Variants in LAD1 observed in about 807,000 individuals in gnomAD.
LAD1 encodes the protein ladinin 1.
LAD1 carries 53 observed loss-of-function variants against 54.2 expected under a neutral mutation model. The ratio of observed to expected loss-of-function variants is 0.98; its 90% CI spans 0.78 to 1.23. LAD1 has a LOEUF of 1.23. LAD1 is among the 50% of genes most tolerant of loss of function. The pLI is 0.00. For synonymous variants in LAD1, 231 were observed against 257.7 expected (o/e 0.90, Z 0.99); for missense variants, 637 against 653.3 (o/e 0.98, Z 0.27).
At position 201,386,709 on chromosome 1, in the gene LAD1, T is replaced by A; in HGVS notation, c.652A>T (p.Ile218Leu). The change falls in exon 3 of 10, where the codon ATA becomes TTA. Residue 218 changes from isoleucine (I) to leucine (L), a missense_variant. Physicochemically the swap from Ile to Leu is conservative, Grantham distance 5. Coordinates refer to ENST00000391967, the MANE Select transcript of LAD1 (RefSeq NM_005558.4). ...CTGTTTCTTTTCTCTGACACTGCTA[T>A]CTTCTCTGATAGAGATGTCTTCTCT... Reference protein sequence around the residue: ...ASEKTSLSEKIAVSEKRNSSE... With the variant: ...ASEKTSLSEKLAVSEKRNSSE... 6.2e-7 allele frequency: 1 copy of A among 1,614,234 alleles called. No individual in the cohort carries two copies. Among genetic ancestry groups the A allele is most frequent in the South Asian group, 1.1e-5 (1 of 91,088 alleles).
chr1:201,383,496 A>C lies in LAD1; in HGVS notation c.1176-107T>G, dbSNP rs186612889. On this transcript the variant is annotated intron_variant, in intron 5 of 9. Transcript: ENST00000391967. ...CCCATCACACGTTCTCATTGTGGCC[A>C]AGAGAATGTGGCCCTCCATCACACA... The C allele has an allele frequency of 4.7e-3, 5,027 of 1,060,686 alleles. 39 individuals carry two copies. The highest frequency in any genetic ancestry group is 4.3e-3 in the Non-Finnish European group (2,903 of 677,274). The allele number at this position is 1,060,686 out of a possible 1,614,324, so 65.7% of individuals were successfully genotyped here. A position where few individuals can be genotyped will look rare whatever the true frequency, so the allele number is the denominator to read the frequency against.
intron 1 of LAD1, among the ~76,000 whole-genome samples, chr1:201,393,312 T>C (rs1473186136): frequency 6.6e-6 from 1 of 151,964 alleles, no homozygotes; most frequent in Non-Finnish European, 1.5e-5. Context: ...CAAGACAGAA[T>C]TGTGAGCACA....
rs11805972 is a variant in LAD1 at position 201,386,525 on chromosome 1, G to T, written c.836C>A (p.Pro279Gln). ...SEKSPTADAK[P>Q]APKRATASEQ... ...TGAGGCTGTGGCCCTCTTTGGGGCC[G>T]GCTTAGCATCTGCAGTTGGGCTCTT... Residue 279 changes from proline to glutamine, a missense_variant, in exon 3 of 10, where the codon CCG (proline) becomes CAG (glutamine). Transcript: ENST00000391967. 0.036 allele frequency: 57,306 copies of T among 1,603,970 alleles called. 2,501 individuals are homozygous for T. The highest frequency in any genetic ancestry group is 0.22 in the African/African-American group (16,296 of 74,262).
rs1421600164 is a variant in LAD1, at chr1:201,382,711, G to A, written c.1415C>T (p.Thr472Ile). 3.1e-6 allele frequency: 5 copies of A among 1,607,732 alleles called. No homozygotes were observed. Among genetic ancestry groups the A allele is most frequent in the Middle Eastern group, 1.7e-4 (1 of 5,788 alleles). Residue 472 changes from threonine (T) to isoleucine (I), a missense_variant, in exon 8 of 10, where the codon ACA becomes ATA. By Grantham distance (89) the Thr-to-Ile change is moderately conservative (BLOSUM62 -1). Transcript: ENST00000391967. ...KENLRLSGVV[T>I]SRLNLWISRT... The stretch of plus-strand genomic sequence containing the variant: ...GCTGATCCACAGGTTGAGCCTTGAT[G>A]TCACAACCCCTGAGAGCCTCAAGTT...
intron 1 of LAD1, 82 bp from the exon 2 acceptor site, chr1:201,389,385 G>A (rs1321851485): frequency 6.6e-7 from 1 of 1,503,872 alleles, no homozygotes; most frequent in Non-Finnish European, 8.9e-7. Flanking sequence ...GCTGGGAGAA[G>A]AGACCAAATG....
chr1:201,398,460 G>T lies in LAD1; in HGVS notation c.38+809C>A, dbSNP rs140081504. ...ACAAGATGGGGGACGGGGGCGCCCAGTGGAGGAATGAGGTGAAAATGCTCA... is the reference window on the plus strand; with the variant it reads ...ACAAGATGGGGGACGGGGGCGCCCATTGGAGGAATGAGGTGAAAATGCTCA... On this transcript the variant is annotated intron_variant, in intron 1 of 9. Coordinates refer to ENST00000391967, the MANE Select transcript of LAD1 (RefSeq NM_005558.4). Among the ~76,000 whole-genome samples, 359 of 152,306 alleles carry T rather than the reference G, an allele frequency of 2.4e-3. 2 individuals are homozygous for T. Among genetic ancestry groups the T allele is most frequent in the Non-Finnish European group, 4.6e-3 (311 of 68,018 alleles).
chr1:201,391,135 C>T (rs1457838405), intron 1 of LAD1: 1 of 456,558 alleles, frequency 2.2e-6, no homozygotes, highest in African/African-American at 2.0e-5. Flanking sequence ...CTTGGAGCCT[C>T]CCTCACCTTT....
chr1:201,385,689 C>T lies in LAD1; in HGVS notation c.1131+12G>A. ...CCAGTGGCTCGCAGACCAGGGTGCC[C>T]AGGGCTCTCACCCGAAAGGAGATGG... is the stretch of plus-strand genomic sequence containing the variant. On this transcript the variant is annotated intron_variant, in intron 4 of 9. Coordinates refer to ENST00000391967, the MANE Select transcript of LAD1 (RefSeq NM_005558.4). 6.2e-7 allele frequency: 1 copy of T among 1,603,572 alleles called. No homozygotes were observed. Among genetic ancestry groups the T allele is most frequent in the Non-Finnish European group, 8.5e-7 (1 of 1,170,402 alleles).
Position 201,382,241 on chromosome 1 carries a change from C to T in LAD1, c.1548+11G>A, listed in dbSNP as rs1165838280. 1.2e-6 allele frequency: 2 copies of T among 1,610,516 alleles called. No homozygotes were observed. The highest frequency in any genetic ancestry group is 1.3e-5 in the African/African-American group (1 of 74,988). ...CTCCGCCGTAGGGCCAGGCTCCTCC[C>T]CACCATTCACCTCAGCGTCCAGCGA... On this transcript the variant is annotated intron_variant, in intron 9 of 9. Transcript: ENST00000391967.
chr1:201,391,844 T>TA (rs926111265), intron 1 of LAD1, among the ~76,000 whole-genome samples: 4 of 151,852 alleles, frequency 2.6e-5, no homozygotes, highest in Non-Finnish European at 5.9e-5. Context: ...AGCAGGGGAG[T>TA]ACCAGGCTGT....
Position 201,392,790 on chromosome 1 carries a change from GA to G in LAD1, c.39-3488del, listed in dbSNP as rs11439879. 1.4e-3 allele frequency among the ~76,000 whole-genome samples: 213 copies of G among 147,118 alleles called. 1 individual carries two copies. The highest frequency in any genetic ancestry group is 4.3e-3 in the African/African-American group (173 of 40,192). ...TTTTTAATCTCTCTGGCTGCTGTAT[GA>G]AAAAAAAAAACATTGAAAGGGCCAG... On this transcript the variant is annotated intron_variant, in intron 1 of 9. Transcript: ENST00000391967.
intron 3 of LAD1, 50 bp from the exon 4 acceptor site, chr1:201,385,855 C>T: frequency 7.3e-7 from 1 of 1,377,540 alleles, no homozygotes; most frequent in Non-Finnish European, 1.0e-6. Context: ...GCCCATCAAG[C>T]CGGGGCAGCC....
chr1:201,388,053 T>G (rs1453924000), intron 2 of LAD1, among the ~76,000 whole-genome samples: 1 of 152,050 alleles, frequency 6.6e-6, no homozygotes, highest in African/African-American at 2.4e-5. Context: ...CACCTCATAA[T>G]CCCAAAATCT....
chr1:201,390,764 G>A (rs1231366551), intron 1 of LAD1, among the ~76,000 whole-genome samples: 1 of 152,116 alleles, frequency 6.6e-6, no homozygotes, highest in Non-Finnish European at 1.5e-5. Context: ...CAACCAAAAT[G>A]TTTCCTGACA....
rs761120206 is a variant in LAD1, at chr1:201,386,723, G to T, written c.638C>A (p.Ser213Tyr). ...TGACACTGCTATCTTCTCTGATAGA[G>T]ATGTCTTCTCTGAGGCCAGCACCTT... is the stretch of plus-strand genomic sequence containing the variant. ...SEKVLASEKT[S>Y]LSEKIAVSEK... Residue 213 changes from serine (S) to tyrosine (Y), a missense_variant, in exon 3 of 10, where the codon TCT (serine) becomes TAT (tyrosine). By Grantham distance (144) the Ser-to-Tyr change is moderately radical. Coordinates refer to ENST00000391967, the MANE Select transcript of LAD1 (RefSeq NM_005558.4). The T allele has an allele frequency of 1.2e-5, 19 of 1,614,208 alleles. No homozygotes were observed. The highest frequency in any genetic ancestry group is 1.6e-5 in the Non-Finnish European group (19 of 1,180,028).
chr1:201,382,418 C>A, intron 8 of LAD1, 92 bp from the exon 9 acceptor site: 1 of 1,048,800 alleles, frequency 9.5e-7, no homozygotes, highest in South Asian at 1.3e-5. Context: ...CCCAGGATGT[C>A]CTTTCTCTTC....
intron 4 of LAD1, among the ~76,000 whole-genome samples, chr1:201,385,476 T>G (rs1662055063): frequency 6.6e-6 from 1 of 152,204 alleles, no homozygotes; most frequent in Non-Finnish European, 1.5e-5. Flanking sequence ...CCTTGCCCAC[T>G]AGGTGGGGCT....
In LAD1 at chr1:201,385,756, T is replaced by C. The variant is rs1193983675; in HGVS notation, c.1076A>G (p.Gln359Arg). The change falls in exon 4 of 10, where the codon CAG becomes CGG. Residue 359 changes from glutamine to arginine, a missense_variant. Transcript: ENST00000391967. ...EEEADMSSPT[Q>R]RTYSSSLKRS... Reference sequence around the variant, plus strand: ...TTTGAGGGAGCTGCTGTAGGTTCGCTGTGTGGGTGAGGACATATCTGCCTC... The same window carrying C: ...TTTGAGGGAGCTGCTGTAGGTTCGCCGTGTGGGTGAGGACATATCTGCCTC... 3.7e-6 allele frequency: 6 copies of C among 1,614,022 alleles called. No homozygotes were observed. Among genetic ancestry groups the C allele is most frequent in the Non-Finnish European group, 5.1e-6 (6 of 1,180,014 alleles).
intron 1 of LAD1, among the ~76,000 whole-genome samples, chr1:201,393,055 G>C (rs1263914111): frequency 2.0e-5 from 3 of 152,172 alleles, no homozygotes; most frequent in Non-Finnish European, 4.4e-5. Flanking sequence ...GCTATTTCTG[G>C]AGGGCCATTA....
Sources: gnomAD v4.1 joint callset for allele counts (sites outside exome capture counted in the v4.1 genomes callset) on GRCh38, gnomAD v4.1.1 for gene constraint, MANE v1.5 for transcripts, NCBI Gene and HGNC (gene_info 2026-07-23, HGNC 2026-07-21) for gene names.